The following FSTL5 variants were observed in gnomAD, a reference collection of about 807,000 sequenced individuals.
FSTL5 encodes the protein follistatin-related protein 5.
A neutral mutation model predicts 89.1 loss-of-function variants in FSTL5; 62 were observed. The ratio of observed to expected loss-of-function variants is 0.70; its 90% CI spans 0.57 to 0.86. The LOEUF is 0.86. Among genes scored for constraint, FSTL5 ranks in the 40% least tolerant of loss-of-function variants. FSTL5 has a pLI of 0.00. For missense variants in FSTL5, 1,057 were observed against 1,001.6 expected, an observed-to-expected ratio of 1.06 and a Z score of -0.75; for synonymous variants, 383 against 346.2, an observed-to-expected ratio of 1.11 and a Z score of -1.18.
chr4:161,779,763 ATATATATATATG>A (rs1266923971), intron 4 of FSTL5, among the ~76,000 whole-genome samples: 3,633 of 22,108 alleles, frequency 0.16, 299 homozygotes, highest in Non-Finnish European at 0.19. Context: ...GTAAAGTTAT[ATATATATATATG>A]TATATATATA....
At chr4:161,424,784 C>G (rs935332184) in intron 15 of FSTL5, among the ~76,000 whole-genome samples, 2 of 152,176 alleles carry the variant, frequency 1.3e-5, no homozygotes, top group African/African-American at 4.8e-5. Context: ...GTCACTTATA[C>G]TAAATATCGG....
chr4:161,971,294 T>C (rs2111014276), intron 3 of FSTL5, among the ~76,000 whole-genome samples: 1 of 152,304 alleles, frequency 6.6e-6, no homozygotes, highest in East Asian at 1.9e-4. Context: ...CAAACATTGA[T>C]ATATTAGAAT....
intron 14 of FSTL5, among the ~76,000 whole-genome samples, chr4:161,458,017 GTAACA>G (rs753911386): frequency 6.6e-6 from 1 of 152,124 alleles, no homozygotes; most frequent in Non-Finnish European, 1.5e-5. Flanking sequence ...TTCCACTTTT[GTAACA>G]TAAGACCATT....
intron 15 of FSTL5, among the ~76,000 whole-genome samples, chr4:161,392,658 T>C (rs1264155063): frequency 6.6e-6 from 1 of 152,162 alleles, no homozygotes; most frequent in African/African-American, 2.4e-5. Context: ...ATAAAATTGG[T>C]TGTTCTTCCT....
rs139582087 is a variant in FSTL5, at chr4:162,087,137, A to G, written c.126+24134T>C. Among the ~76,000 whole-genome samples the G allele has an allele frequency of 2.0e-5, 3 of 152,258 alleles. No homozygotes were observed. The East Asian group carries it at 5.8e-4, about 29-fold the overall frequency. On this transcript the variant is annotated intron_variant, in intron 2 of 15. Coordinates refer to ENST00000306100, the MANE Select transcript of FSTL5 (RefSeq NM_020116.5). Reference sequence around the variant, plus strand: ...TAGATTTTCAGTGTTTTTCACCAACACGACTACCTTATCTCTGCCAAAAGG... The same window carrying G: ...TAGATTTTCAGTGTTTTTCACCAACGCGACTACCTTATCTCTGCCAAAAGG...
intron 15 of FSTL5, among the ~76,000 whole-genome samples, chr4:161,452,320 A>AT (rs1226157006): frequency 3.7e-4 from 57 of 152,148 alleles, no homozygotes; most frequent in Non-Finnish European, 6.9e-4. Flanking sequence ...TACTAAAAAT[A>AT]CAAAAATTAG....
intron 6 of FSTL5, among the ~76,000 whole-genome samples, chr4:161,732,322 G>T (rs1739638934): frequency 6.6e-6 from 1 of 151,778 alleles, no homozygotes; most frequent in South Asian, 2.1e-4. Context: ...TAATTTTTTT[G>T]CTCATTTCTA....
intron 15 of FSTL5, among the ~76,000 whole-genome samples, chr4:161,399,547 C>T (rs1467981227): frequency 2.0e-5 from 3 of 151,550 alleles, no homozygotes; most frequent in South Asian, 2.1e-4. Flanking sequence ...GGTACATTAT[C>T]GAGCCAACCA....
chr4:162,101,077 G>A (rs909423824), intron 2 of FSTL5, among the ~76,000 whole-genome samples: 1 of 152,194 alleles, frequency 6.6e-6, no homozygotes, highest in African/African-American at 2.4e-5. Flanking sequence ...CAGACAGCCA[G>A]GTGGCTAGCT....
chr4:161,652,752 A>G (rs1048851845), intron 7 of FSTL5, among the ~76,000 whole-genome samples: 1 of 152,168 alleles, frequency 6.6e-6, no homozygotes, highest in African/African-American at 2.4e-5. Context: ...ATTGTTCGCA[A>G]TTAAAATGTA....
chr4:161,586,075 C>G (rs1014450389), intron 8 of FSTL5, among the ~76,000 whole-genome samples: 12 of 152,132 alleles, frequency 7.9e-5, no homozygotes, highest in African/African-American at 2.9e-4. Flanking sequence ...CTTTTTGGCA[C>G]ATGTTATTAA....
chr4:161,472,146 T>A (rs1733967276), intron 13 of FSTL5, among the ~76,000 whole-genome samples: 5 of 151,930 alleles, frequency 3.3e-5, no homozygotes, highest in Admixed American at 3.3e-4. Context: ...CCGGCTAATT[T>A]TTTTGTATTT....
chr4:162,058,692 G>A (rs1046815214), intron 2 of FSTL5, among the ~76,000 whole-genome samples: 2 of 152,056 alleles, frequency 1.3e-5, no homozygotes, highest in African/African-American at 4.8e-5. Flanking sequence ...GCCTCCCAAA[G>A]TGTTAGGATT....
intron 8 of FSTL5, among the ~76,000 whole-genome samples, chr4:161,550,014 C>T (rs911298801): frequency 1.1e-4 from 17 of 151,862 alleles, no homozygotes; most frequent in Admixed American, 9.2e-4. Context: ...GCCGACCACC[C>T]TACTGGCCTG....
chr4:162,112,013 GT>G (rs1731463083), intron 1 of FSTL5, among the ~76,000 whole-genome samples: 1 of 152,136 alleles, frequency 6.6e-6, no homozygotes, highest in Non-Finnish European at 1.5e-5. Flanking sequence ...TAAACTAAAA[GT>G]TTTATGTCTA....
At chr4:161,872,324 C>T (rs1329856920) in intron 4 of FSTL5, among the ~76,000 whole-genome samples, 2 of 151,836 alleles carry the variant, frequency 1.3e-5, no homozygotes, top group African/African-American at 4.8e-5. Context: ...TTCACAACTA[C>T]GTATTTTGTT....
At chr4:161,744,391 A>C (rs1032901588) in intron 6 of FSTL5, among the ~76,000 whole-genome samples, 4 of 152,176 alleles carry the variant, frequency 2.6e-5, no homozygotes, top group Admixed American at 2.6e-4. Flanking sequence ...ATGATGTTGA[A>C]TTATATTCTC....
chr4:162,130,464 A>G (rs1392907147), intron 1 of FSTL5, among the ~76,000 whole-genome samples: 2 of 152,316 alleles, frequency 1.3e-5, no homozygotes, highest in South Asian at 2.1e-4. Flanking sequence ...TATTATCCTT[A>G]CAACTATATT....
chr4:162,135,710 T>C (rs1310456865), intron 1 of FSTL5, among the ~76,000 whole-genome samples: 3 of 152,120 alleles, frequency 2.0e-5, no homozygotes, highest in African/African-American at 7.2e-5. Flanking sequence ...ATAACTGTAT[T>C]GTTTATCTTT....
Sources: allele counts gnomAD v4.1 joint callset (sites outside exome capture counted in the v4.1 genomes callset), GRCh38; gene constraint gnomAD v4.1.1; transcripts MANE v1.5; gene names NCBI Gene and HGNC (gene_info 2026-07-23, HGNC 2026-07-21).